The following B3GALNT2 variants were observed in gnomAD, a reference collection of about 807,000 sequenced individuals.
The protein encoded by B3GALNT2 is UDP-GalNAc:beta-1,3-N-acetylgalactosaminyltransferase 2.
In B3GALNT2, 53 loss-of-function variants were observed where a neutral mutation model predicts 61.1. The ratio of observed to expected loss-of-function variants is 0.87; its 90% confidence interval spans 0.70 to 1.09. The LOEUF is 1.09. Among genes scored for constraint, B3GALNT2 ranks in the 50% least tolerant of loss-of-function variants. The probability of loss-of-function intolerance (pLI) is 0.00; values close to 1 mark genes in which losing one functional copy is unlikely to be tolerated. For synonymous variants in B3GALNT2, 223 were observed against 237.4 expected, an observed-to-expected ratio of 0.94 and a Z score of 0.56; for missense variants, 544 against 623.0, an observed-to-expected ratio of 0.87 and a Z score of 1.35.
rs375032187 is a variant in B3GALNT2, at chr1:235,489,313, C to T, written c.261-45G>A. 1.9e-4 allele frequency: 301 copies of T among 1,606,368 alleles called. No homozygotes were observed. In the African/African-American group the frequency reaches 2.5e-3, roughly 13 times the overall value. On this transcript the variant is annotated intron_variant, in intron 2 of 11. Transcript: ENST00000366600. ...TAACATCAGTTACTGATCTTCACCTCGCACATGCACGTTTCCTCATGCCCA... is the reference window on the plus strand; with the variant it reads ...TAACATCAGTTACTGATCTTCACCTTGCACATGCACGTTTCCTCATGCCCA...
intron 5 of B3GALNT2, among the ~76,000 whole-genome samples, chr1:235,473,753 A>C (rs1463320720): frequency 1.3e-5 from 2 of 152,240 alleles, no homozygotes; most frequent in East Asian, 3.8e-4. Flanking sequence ...TTAAGAGGAA[A>C]GCAAAAAGGA....
rs766801682 is a variant in B3GALNT2, at chr1:235,470,954, C to T, written c.658G>A (p.Glu220Lys). The T allele has an allele frequency of 1.2e-6, 2 of 1,613,684 alleles. No homozygotes were observed. Among genetic ancestry groups the T allele is most frequent in the African/African-American group, 2.7e-5 (2 of 75,020 alleles). ...VEQFILPESF[E>K]GTIVWESQDL... ...TGGCTCTCCCACACGATTGTACCTT[C>T]AAAGCTCTTTTGTAGAAAGATGAAT... The change falls in exon 6 of 12, where the codon GAA (glutamate) becomes AAA (lysine). Residue 220 changes from glutamate to lysine, a missense_variant. Glu to Lys is a moderately conservative substitution (Grantham distance 56). Coordinates refer to ENST00000366600, the MANE Select transcript of B3GALNT2 (RefSeq NM_152490.5).
In B3GALNT2 at chr1:235,454,266, C is replaced by G. The variant is rs768282637; in HGVS notation, c.1201G>C (p.Glu401Gln). The change falls in exon 10 of 12, where the codon GAG becomes CAG. Residue 401 changes from glutamate (E) to glutamine (Q), a missense_variant. By Grantham distance (29) the Glu-to-Gln change is conservative. Transcript: ENST00000366600. Reference protein sequence around the residue: ...VDRTGKWQELEYPSPAYPAFA... With the variant: ...VDRTGKWQELQYPSPAYPAFA... ...GCAGGGTAAGCGGGGCTCGGGTACT[C>G]CAACTCCTGCCACTTTCCGGTTCGG... 1.9e-6 allele frequency: 3 copies of G among 1,613,180 alleles called. No individual in the cohort carries two copies. Among genetic ancestry groups the G allele is most frequent in the South Asian group, 1.1e-5 (1 of 91,046 alleles).
At chr1:235,474,985 A>T (rs1310666245) in intron 5 of B3GALNT2, among the ~76,000 whole-genome samples, 9,719 of 37,546 alleles carry the variant, frequency 0.26, 1,443 homozygotes, top group East Asian at 0.49. Flanking sequence ...ATATATATAT[A>T]TATTTTTTTT....
At chr1:235,454,096 C>T (rs769572844) in intron 10 of B3GALNT2, 60 bp downstream of exon 10, 2 of 1,476,576 alleles carry the variant, frequency 1.4e-6, no homozygotes, top group Non-Finnish European at 1.8e-6. Context: ...GCCTTAGCCT[C>T]CCAAAGTGTT....
downstream of B3GALNT2, among the ~76,000 whole-genome samples, chr1:235,446,700 T>C (rs567514413): frequency 6.6e-6 from 1 of 151,776 alleles, no homozygotes; most frequent in African/African-American, 2.4e-5. Flanking sequence ...GGCAGGTTTT[T>C]TTTTTTTTTT....
At chr1:235,452,876 T>C (rs1172460377) in intron 11 of B3GALNT2, among the ~76,000 whole-genome samples, 3 of 152,206 alleles carry the variant, frequency 2.0e-5, no homozygotes, top group Non-Finnish European at 4.4e-5. Flanking sequence ...AGAGCCAACA[T>C]GACACTCAAA....
chr1:235,495,835 G>A (rs1685294109), intron 1 of B3GALNT2, among the ~76,000 whole-genome samples: 1 of 152,048 alleles, frequency 6.6e-6, no homozygotes, highest in South Asian at 2.1e-4. Flanking sequence ...TAAATGCAAT[G>A]TTTTTATATA....
At chr1:235,455,455 T>C (rs1683117651) in intron 9 of B3GALNT2, 104 bp downstream of exon 9, 1 of 1,270,636 alleles carries the variant, frequency 7.9e-7, no homozygotes, top group Admixed American at 2.3e-5. Flanking sequence ...AGTACGAAAT[T>C]GTATATCTCA....
At chr1:235,471,765 C>T (rs140396936) in intron 5 of B3GALNT2, among the ~76,000 whole-genome samples, 2 of 152,132 alleles carry the variant, frequency 1.3e-5, no homozygotes, top group African/African-American at 4.8e-5. Context: ...CAGGTTTAAG[C>T]GATTCTCTTG....
At chr1:235,440,202 C>T in the B3GALNT2 span, among the ~76,000 whole-genome samples, 3 of 151,966 alleles carry the variant, frequency 2.0e-5, no homozygotes, top group Non-Finnish European at 4.4e-5. Context: ...GATCTCCTGA[C>T]CTTGTGATCC....
chr1:235,471,113 T>C (rs1226029311), intron 5 of B3GALNT2, among the ~76,000 whole-genome samples, 153 bp from the exon 6 acceptor site: 1 of 152,212 alleles, frequency 6.6e-6, no homozygotes. Flanking sequence ...CTGTTAGCGT[T>C]TGGTGTGTAT....
At chr1:235,494,621 T>G in intron 2 of B3GALNT2, 60 bp downstream of exon 2, 1 of 1,535,056 alleles carries the variant, frequency 6.5e-7, no homozygotes, top group Non-Finnish European at 8.9e-7. Flanking sequence ...CACGCCTGGC[T>G]AGGTTTTTCA....
At chr1:235,468,133 T>C (rs985124655) in intron 6 of B3GALNT2, among the ~76,000 whole-genome samples, 3 of 152,220 alleles carry the variant, frequency 2.0e-5, no homozygotes, top group African/African-American at 7.2e-5. Context: ...TAGAACTCAA[T>C]AGTAATTTCT....
intron 3 of B3GALNT2, among the ~76,000 whole-genome samples, chr1:235,484,986 C>T (rs1684734569): frequency 6.6e-6 from 1 of 152,292 alleles, no homozygotes; most frequent in African/African-American, 2.4e-5. Flanking sequence ...GCAATTATTA[C>T]GGTATAAATA....
chr1:235,494,687 C>T lies in B3GALNT2; in HGVS notation c.254G>A (p.Ser85Asn), dbSNP rs947223231. The T allele has an allele frequency of 1.9e-6, 3 of 1,611,690 alleles. No homozygotes were observed. Among genetic ancestry groups the T allele is most frequent in the African/African-American group, 1.3e-5 (1 of 74,744 alleles). ...MRHLLQHPTL[S>N]QRVLVKFIIG... ...AACAACTCAGAAAACCTACCGTTGA[C>T]TTAATGTGGGATGCTGTAGCAAATG... is the stretch of plus-strand genomic sequence containing the variant. The change falls in exon 2 of 12, where the codon AGT becomes AAT. Residue 85 changes from serine to asparagine, a missense_variant. Ser to Asn is a conservative substitution (Grantham distance 46). Transcript: ENST00000366600.
chr1:235,477,292 T>G (rs1038112537), intron 5 of B3GALNT2, among the ~76,000 whole-genome samples: 2 of 152,180 alleles, frequency 1.3e-5, no homozygotes, highest in Admixed American at 6.5e-5. Flanking sequence ...GCCTTTTTGC[T>G]CTCTCTCCAC....
intron 1 of B3GALNT2, among the ~76,000 whole-genome samples, chr1:235,500,232 C>T (rs1476390173): frequency 6.6e-6 from 1 of 152,190 alleles, no homozygotes; most frequent in Non-Finnish European, 1.5e-5. Context: ...GTGGCTCATG[C>T]CTGTAATCCT....
chr1:235,480,388 T>C (rs139966376), intron 4 of B3GALNT2, among the ~76,000 whole-genome samples: 155 of 151,104 alleles, frequency 1.0e-3, no homozygotes, highest in Non-Finnish European at 1.6e-3. Flanking sequence ...CTAAACATAA[T>C]CCACATAACC....
Sources: gnomAD v4.1 joint callset for allele counts (sites outside exome capture counted in the v4.1 genomes callset) on GRCh38, gnomAD v4.1.1 for gene constraint, MANE v1.5 for transcripts, NCBI Gene and HGNC (gene_info 2026-07-23, HGNC 2026-07-21) for gene names.